Variants in TMEM135 observed in about 807,000 individuals in gnomAD.
TMEM135 encodes transmembrane protein 135, also known as peroxisomal membrane protein 52.
In TMEM135, 30 loss-of-function variants were observed where a neutral mutation model predicts 60.3. That is an observed-to-expected ratio of 0.50 (90% CI 0.37 to 0.68). The LOEUF is 0.68. Among genes scored for constraint, TMEM135 ranks in the 30% least tolerant of loss-of-function variants. The probability of loss-of-function intolerance (pLI) is 0.00; values close to 1 mark genes in which losing one functional copy is unlikely to be tolerated. For missense variants in TMEM135, 468 were observed against 548.8 expected (o/e 0.85, Z 1.47); for synonymous variants, 190 against 186.7 (o/e 1.02, Z -0.14).
At chr11:87,281,992 G>A (rs1212056854) in intron 6 of TMEM135, among the ~76,000 whole-genome samples, 1 of 152,180 alleles carries the variant, frequency 6.6e-6, no homozygotes, top group East Asian at 1.9e-4. Context: ...TTAGCTCAGT[G>A]GTTTTCAAGC....
intron 6 of TMEM135, among the ~76,000 whole-genome samples, chr11:87,295,503 C>T (rs1354305122): frequency 6.6e-6 from 1 of 152,146 alleles, no homozygotes; most frequent in Non-Finnish European, 1.5e-5. Flanking sequence ...ATTTTAAGTC[C>T]AGATGGAGCC....
intron 4 of TMEM135, among the ~76,000 whole-genome samples, chr11:87,140,078 T>C (rs920567987): frequency 1.3e-5 from 2 of 152,128 alleles, no homozygotes; most frequent in Non-Finnish European, 2.9e-5. Context: ...TTCTTTTTTT[T>C]TGTGTTTGAG....
chr11:87,200,081 G>T (rs1798397595), intron 5 of TMEM135, among the ~76,000 whole-genome samples: 2 of 152,078 alleles, frequency 1.3e-5, no homozygotes, highest in African/African-American at 2.4e-5. Context: ...ATTAATAATT[G>T]TTAAAAAGCT....
intron 4 of TMEM135, among the ~76,000 whole-genome samples, chr11:87,151,971 C>T (rs768327735): frequency 9.9e-5 from 15 of 152,072 alleles, no homozygotes; most frequent in African/African-American, 2.9e-4. Flanking sequence ...GGGAGGTGAT[C>T]GGTGTCTAAC....
At chr11:87,290,683 G>A (rs6592346) in intron 6 of TMEM135, among the ~76,000 whole-genome samples, 99,908 of 151,920 alleles carry the variant, frequency 0.66, 33,236 homozygotes, top group Non-Finnish European at 0.71. Flanking sequence ...CATAGTATGC[G>A]ATTCCAACCT....
intron 6 of TMEM135, among the ~76,000 whole-genome samples, chr11:87,289,276 T>G (rs1942221953): frequency 6.6e-6 from 1 of 152,094 alleles, no homozygotes; most frequent in African/African-American, 2.4e-5. Context: ...TCTCAAATAT[T>G]TATCACGTCT....
intron 3 of TMEM135, among the ~76,000 whole-genome samples, chr11:87,081,195 A>C (rs927939438): frequency 7.9e-5 from 12 of 151,420 alleles, no homozygotes; most frequent in Non-Finnish European, 1.2e-4. Context: ...TTAACATTTG[A>C]GGCATTTATT....
intron 5 of TMEM135, among the ~76,000 whole-genome samples, chr11:87,234,806 T>C (rs1433865051): frequency 6.6e-6 from 1 of 152,038 alleles, no homozygotes; most frequent in Non-Finnish European, 1.5e-5. Context: ...CAGTTTCAAG[T>C]GTATTATTTG....
intron 6 of TMEM135, among the ~76,000 whole-genome samples, chr11:87,241,010 G>C (rs569695389): frequency 1.3e-3 from 193 of 149,998 alleles, no homozygotes; most frequent in Non-Finnish European, 2.5e-3. Flanking sequence ...GTGTAAGTCA[G>C]AGTTTATTGT....
intron 4 of TMEM135, among the ~76,000 whole-genome samples, chr11:87,128,663 A>C (rs1937807610): frequency 2.0e-5 from 3 of 152,182 alleles, no homozygotes. Flanking sequence ...TGCTGGTAGG[A>C]GTGTCAATTT....
At chr11:87,067,208 A>C (rs1856683808) in intron 1 of TMEM135, among the ~76,000 whole-genome samples, 1 of 147,694 alleles carries the variant, frequency 6.8e-6, no homozygotes, top group Non-Finnish European at 1.5e-5. Flanking sequence ...ATAGTAATAT[A>C]CTATATATAT....
At chr11:87,256,707 T>G (rs1941534524) in intron 6 of TMEM135, among the ~76,000 whole-genome samples, 1 of 152,148 alleles carries the variant, frequency 6.6e-6, no homozygotes, top group Non-Finnish European at 1.5e-5. Flanking sequence ...AATGAGCAAA[T>G]ATGATTGAAC....
At chr11:87,227,048 CA>C (rs1485100407) in intron 5 of TMEM135, among the ~76,000 whole-genome samples, 1 of 151,586 alleles carries the variant, frequency 6.6e-6, no homozygotes, top group Non-Finnish European at 1.5e-5. Context: ...GACTCCATTT[CA>C]AAAAAAGAAA....
intron 4 of TMEM135, among the ~76,000 whole-genome samples, chr11:87,139,189 A>G (rs937192038): frequency 2.0e-5 from 3 of 152,208 alleles, no homozygotes; most frequent in Non-Finnish European, 2.9e-5. Context: ...TCATTAATGT[A>G]GTACCCAGAT....
chr11:87,091,285 A>T, intron 3 of TMEM135, 77 bp from the exon 4 acceptor site: 1 of 1,284,128 alleles, frequency 7.8e-7, no homozygotes, highest in African/African-American at 1.5e-5. Flanking sequence ...AATTCTTTTT[A>T]TAGACTTCTA....
intron 1 of TMEM135, among the ~76,000 whole-genome samples, chr11:87,044,698 T>G (rs1412280946): frequency 6.6e-6 from 1 of 152,180 alleles, no homozygotes; most frequent in Non-Finnish European, 1.5e-5. Flanking sequence ...TCGCCCAGGC[T>G]GGAGTGCAGT....
chr11:87,078,676 G>A (rs1459913267), intron 3 of TMEM135, among the ~76,000 whole-genome samples: 4 of 151,852 alleles, frequency 2.6e-5, no homozygotes, highest in African/African-American at 4.8e-5. Flanking sequence ...GTGCAGTGGC[G>A]TGATCTTGGC....
At chr11:87,067,913 T>G in intron 2 of TMEM135, 92 bp downstream of exon 2, 1 of 1,481,442 alleles carries the variant, frequency 6.8e-7, no homozygotes, top group Non-Finnish European at 9.3e-7. Flanking sequence ...TGTGGGTTAC[T>G]ATCCCCGCCC....
At chr11:87,185,438 T>C (rs1453548984) in intron 5 of TMEM135, among the ~76,000 whole-genome samples, 1 of 152,188 alleles carries the variant, frequency 6.6e-6, no homozygotes, top group Admixed American at 6.5e-5. Flanking sequence ...CTTGTGGTAT[T>C]CTTTCTTGGT....
Sources: allele counts gnomAD v4.1 joint callset (sites outside exome capture counted in the v4.1 genomes callset), GRCh38; gene constraint gnomAD v4.1.1; transcripts MANE v1.5; gene names NCBI Gene and HGNC (gene_info 2026-07-23, HGNC 2026-07-21).